STAB2: variants seen among roughly 807,000 people sequenced by gnomAD.
The protein encoded by STAB2 is stabilin-2.
Under a neutral mutation model 338.1 loss-of-function variants are expected in STAB2, and 288 were observed. That is an observed-to-expected ratio of 0.85 (90% confidence interval 0.77 to 0.94). The LOEUF (loss-of-function observed/expected upper bound fraction) is 0.94. STAB2 is among the 40% of genes least tolerant of loss of function. The pLI is 0.00. For missense variants in STAB2, 3,141 were observed against 3,210.1 expected (o/e 0.98, Z 0.52); for synonymous variants, 1,202 against 1,193.3 (o/e 1.01, Z -0.15).
intron 36 of STAB2, 134 bp downstream of exon 36, chr12:103,704,748 T>C: frequency 2.6e-6 from 2 of 759,924 alleles, no homozygotes; most frequent in Non-Finnish European, 4.1e-6. Context: ...TACCTCGTTA[T>C]ATTATATGCA....
intron 67 of STAB2, among the ~76,000 whole-genome samples, 155 bp downstream of exon 67, chr12:103,762,557 C>T (rs1403390990): frequency 3.9e-5 from 6 of 152,224 alleles, no homozygotes; most frequent in Admixed American, 3.3e-4. Flanking sequence ...ACGCTTACTG[C>T]TGCTTGGATG....
intron 17 of STAB2, 66 bp downstream of exon 17, chr12:103,660,829 T>G: frequency 1.3e-6 from 2 of 1,527,922 alleles, no homozygotes; most frequent in South Asian, 2.2e-5. Context: ...TGATTATTCA[T>G]CAGGTTATCC....
chr12:103,621,734 G>A (rs1030707345), intron 4 of STAB2, among the ~76,000 whole-genome samples: 3 of 152,192 alleles, frequency 2.0e-5, no homozygotes, highest in Non-Finnish European at 4.4e-5. Context: ...AAACAAAAAT[G>A]CAAAACTGAA....
intron 19 of STAB2, 94 bp from the exon 20 acceptor site, chr12:103,668,549 G>A (rs1049104657): frequency 2.6e-6 from 3 of 1,139,266 alleles, no homozygotes; most frequent in Non-Finnish European, 3.8e-6. Context: ...GTGGTGAAAT[G>A]GAAGTACAAT....
intron 45 of STAB2, among the ~76,000 whole-genome samples, chr12:103,725,470 T>C (rs544231025): frequency 6.6e-6 from 1 of 152,338 alleles, no homozygotes; most frequent in Admixed American, 6.5e-5. Flanking sequence ...AATAAGGTAA[T>C]ATGTGCAAAG....
In STAB2 at chr12:103,754,720, C is replaced by T. The variant is rs564960549; in HGVS notation, c.6715-582C>T. Among the ~76,000 whole-genome samples the T allele has an allele frequency of 3.9e-5, 6 of 152,174 alleles. No individual in the cohort carries two copies. In the East Asian group the frequency reaches 7.7e-4, roughly 20 times the overall value. ...ATCCCAGCACTTTGGGAGCCAGAGGCGGGTGGATCACTTGAGGTCAGGAGT... is the reference window on the plus strand; with the variant it reads ...ATCCCAGCACTTTGGGAGCCAGAGGTGGGTGGATCACTTGAGGTCAGGAGT... On this transcript the variant is annotated intron_variant, in intron 61 of 68. Transcript: ENST00000388887.
At chr12:103,699,859 C>T (rs916608002) in intron 34 of STAB2, among the ~76,000 whole-genome samples, 9 of 152,178 alleles carry the variant, frequency 5.9e-5, no homozygotes, top group African/African-American at 1.7e-4. Flanking sequence ...CAGTCATAGG[C>T]GTCCTTCAGC....
chr12:103,698,093 G>C (rs532832973), intron 33 of STAB2, among the ~76,000 whole-genome samples: 2 of 152,194 alleles, frequency 1.3e-5, no homozygotes, highest in Non-Finnish European at 2.9e-5. Context: ...ATGCCAATAG[G>C]AACAGGGAGA....
intron 5 of STAB2, among the ~76,000 whole-genome samples, chr12:103,626,697 G>A (rs550977095): frequency 2.6e-5 from 4 of 152,320 alleles, no homozygotes; most frequent in African/African-American, 7.2e-5. Flanking sequence ...GGGTGCCAGT[G>A]TTGTGTCATC....
intron 3 of STAB2, among the ~76,000 whole-genome samples, chr12:103,599,538 C>T (rs571998988): frequency 6.6e-6 from 1 of 152,260 alleles, no homozygotes; most frequent in African/African-American, 2.4e-5. Flanking sequence ...GCAGGGTTGC[C>T]AGATTTAGCA....
At chr12:103,654,886 G>C (rs1167768640) in intron 13 of STAB2, 188 bp downstream of exon 13, 15 of 699,180 alleles carry the variant, frequency 2.1e-5, no homozygotes, top group Non-Finnish European at 3.3e-5. Context: ...AAGAAAGCAA[G>C]ACGTACAGTA....
rs1874748242 is a variant in STAB2 at position 103,662,941 on chromosome 12, C to T, written c.1965C>T (p.Pro655=). ...IYTLTGVLIP[P]SIVPILPHRC... ...CACTGACAGGAGTTCTCATTCCTCCCTCCATTGTCCCGATTCTGCCCCATC... is the reference window on the plus strand; with the variant it reads ...CACTGACAGGAGTTCTCATTCCTCCTTCCATTGTCCCGATTCTGCCCCATC... Residue 655 remains proline (P), a synonymous_variant, in exon 18 of 69, where the codon CCC becomes CCT. Coordinates refer to ENST00000388887, the MANE Select transcript of STAB2 (RefSeq NM_017564.10). 6.2e-7 allele frequency: 1 copy of T among 1,614,084 alleles called. No homozygotes were observed. Among genetic ancestry groups the T allele is most frequent in the African/African-American group, 1.3e-5 (1 of 74,926 alleles).
At chr12:103,615,921 A>C (rs1957203965) in intron 3 of STAB2, among the ~76,000 whole-genome samples, 2 of 152,160 alleles carry the variant, frequency 1.3e-5, no homozygotes, top group Admixed American at 1.3e-4. Flanking sequence ...CTAGCCCTTG[A>C]CACATGGGGA....
intron 45 of STAB2, 43 bp downstream of exon 45, chr12:103,725,137 A>T (rs1881084885): frequency 6.3e-7 from 1 of 1,589,362 alleles, no homozygotes; most frequent in African/African-American, 1.3e-5. Context: ...CTACTTCCCT[A>T]AAAATGCCAA....
At chr12:103,759,049 A>G in intron 64 of STAB2, 84 bp from the exon 65 acceptor site, 1 of 1,609,122 alleles carries the variant, frequency 6.2e-7, no homozygotes, top group African/African-American at 1.3e-5. Flanking sequence ...ATGAGAAGCA[A>G]TTTTCTTCGT....
chr12:103,748,582 CACCACACACACACACACACACA>C (rs1411018844), intron 58 of STAB2, among the ~76,000 whole-genome samples: 1 of 114,490 alleles, frequency 8.7e-6, no homozygotes, highest in African/African-American at 4.0e-5. Flanking sequence ...ACTAACTCTA[CACCACACACACACACACACACA>C]TACACACACA....
chr12:103,724,952 T>A, intron 44 of STAB2, 23 bp from the exon 45 acceptor site: 1 of 1,612,302 alleles, frequency 6.2e-7, no homozygotes, highest in Non-Finnish European at 8.5e-7. Flanking sequence ...TCCCCATCCC[T>A]TGCCCCTTGG....
chr12:103,700,726 C>A (rs796397695), intron 34 of STAB2, among the ~76,000 whole-genome samples: 30 of 152,224 alleles, frequency 2.0e-4, no homozygotes, highest in African/African-American at 6.7e-4. Context: ...AGAGCTGCAG[C>A]GTTCATTTTT....
At chr12:103,700,843 C>CT (rs546676591) in intron 34 of STAB2, among the ~76,000 whole-genome samples, 1 of 151,914 alleles carries the variant, frequency 6.6e-6, no homozygotes, top group Non-Finnish European at 1.5e-5. Flanking sequence ...GAAATGCTTT[C>CT]TTTTTTTTAA....
Sources: allele counts gnomAD v4.1 joint callset (sites outside exome capture counted in the v4.1 genomes callset), GRCh38; gene constraint gnomAD v4.1.1; transcripts MANE v1.5; gene names NCBI Gene and HGNC (gene_info 2026-07-23, HGNC 2026-07-21).